Variants in UPP2 observed in about 807,000 individuals in gnomAD.
The protein encoded by UPP2 is uridine phosphorylase 2.
UPP2 carries 23 observed loss-of-function variants against 26.7 expected under a neutral mutation model. The observed-to-expected ratio is 0.86, with a 90% confidence interval of 0.62 to 1.22. The LOEUF is 1.22. Ranked by LOEUF, UPP2 falls within the 50% of genes most tolerant of loss-of-function variation. UPP2 has a pLI of 0.00. For missense variants in UPP2, 387 were observed against 396.7 expected (o/e 0.98, Z 0.21); for synonymous variants, 127 against 141.3 (o/e 0.90, Z 0.72).
At chr2:158,012,064 C>T (rs1250475100) in intron 2 of UPP2, among the ~76,000 whole-genome samples, 1 of 152,122 alleles carries the variant, frequency 6.6e-6, no homozygotes, top group Non-Finnish European at 1.5e-5. Flanking sequence ...GGTATCTTCT[C>T]CTCTGCGGTC....
intron 3 of UPP2, among the ~76,000 whole-genome samples, chr2:158,084,371 T>G (rs1682779775): frequency 6.6e-6 from 1 of 152,106 alleles, no homozygotes. Flanking sequence ...CTTGCTGATT[T>G]GAGTTCTTTA....
At chr2:158,124,946 T>C (rs1683660817) in intron 6 of UPP2, among the ~76,000 whole-genome samples, 1 of 152,216 alleles carries the variant, frequency 6.6e-6, no homozygotes, top group Non-Finnish European at 1.5e-5. Flanking sequence ...CATAAAATTC[T>C]AAGTTGAAAG....
At chr2:158,001,957 C>CAAAAAA (rs200818827) in intron 2 of UPP2, among the ~76,000 whole-genome samples, 133 of 65,422 alleles carry the variant, frequency 2.0e-3, no homozygotes, top group Admixed American at 3.5e-3. Context: ...GAATGAGCAC[C>CAAAAAA]AAAAAAAAAA....
At chr2:158,037,708 G>A (rs533665005) in intron 3 of UPP2, among the ~76,000 whole-genome samples, 1 of 152,050 alleles carries the variant, frequency 6.6e-6, no homozygotes, top group East Asian at 1.9e-4. Context: ...CTTTTATAAG[G>A]ACACCAGTCA....
At chr2:158,014,296 A>T (rs925149483) in intron 2 of UPP2, among the ~76,000 whole-genome samples, 8 of 152,154 alleles carry the variant, frequency 5.3e-5, no homozygotes, top group Non-Finnish European at 1.2e-4. Context: ...TAAGCAGGGG[A>T]GCTCATCAGC....
At chr2:158,055,914 T>A in intron 3 of UPP2, among the ~76,000 whole-genome samples, 1 of 152,174 alleles carries the variant, frequency 6.6e-6, no homozygotes, top group East Asian at 1.9e-4. Flanking sequence ...GCAAGGTCAC[T>A]TTTTACCCTA....
At chr2:158,074,914 T>A (rs1315247927) in intron 3 of UPP2, among the ~76,000 whole-genome samples, 7 of 144,908 alleles carry the variant, frequency 4.8e-5, no homozygotes, top group Admixed American at 4.2e-4. Flanking sequence ...AGACTGCAAA[T>A]AAAGGGCTGG....
chr2:158,041,077 G>A (rs924182391), intron 3 of UPP2, among the ~76,000 whole-genome samples: 7 of 152,162 alleles, frequency 4.6e-5, no homozygotes, highest in African/African-American at 1.4e-4. Context: ...GCTGTGAGCA[G>A]TAAATGAAAT....
intron 3 of UPP2, among the ~76,000 whole-genome samples, chr2:158,066,522 C>T (rs971291578): frequency 8.5e-5 from 13 of 152,128 alleles, no homozygotes; most frequent in African/African-American, 3.1e-4. Flanking sequence ...TTCCTTCAAT[C>T]ATTTCAAACA....
intron 3 of UPP2, among the ~76,000 whole-genome samples, chr2:158,024,208 C>CAT (rs375434232): frequency 6.6e-6 from 1 of 152,184 alleles, no homozygotes; most frequent in African/African-American, 2.4e-5. Context: ...GGACTTAGAG[C>CAT]ATATAAGGTT....
chr2:158,126,351 C>G (rs1205664573), intron 6 of UPP2: 6 of 152,220 alleles, frequency 3.9e-5, no homozygotes, highest in South Asian at 4.1e-4. Flanking sequence ...ACTGCTGCAG[C>G]CTTTCATGGA....
intron 5 of UPP2, among the ~76,000 whole-genome samples, chr2:158,122,397 A>G (rs1013978421): frequency 6.6e-6 from 1 of 152,076 alleles, no homozygotes; most frequent in Non-Finnish European, 1.5e-5. Context: ...GAGATAGGTC[A>G]TATTATCTAT....
intron 2 of UPP2, among the ~76,000 whole-genome samples, chr2:158,002,585 T>C (rs1683426187): frequency 6.6e-6 from 1 of 152,234 alleles, no homozygotes; most frequent in Non-Finnish European, 1.5e-5. Flanking sequence ...TCAGACCGTA[T>C]TGAAGGGAAG....
chr2:158,079,854 A>C (rs1682693219), intron 3 of UPP2, among the ~76,000 whole-genome samples: 1 of 152,154 alleles, frequency 6.6e-6, no homozygotes, highest in Non-Finnish European at 1.5e-5. Flanking sequence ...ACAAATGTAA[A>C]GCTAACTGTA....
chr2:158,058,161 C>T (rs996249346), intron 3 of UPP2, among the ~76,000 whole-genome samples: 1 of 151,914 alleles, frequency 6.6e-6, no homozygotes, highest in Non-Finnish European at 1.5e-5. Context: ...GGTATTGTGG[C>T]GTGCGCCTGT....
At chr2:158,042,961 C>T (rs1684101663) in intron 3 of UPP2, among the ~76,000 whole-genome samples, 1 of 152,206 alleles carries the variant, frequency 6.6e-6, no homozygotes, top group Admixed American at 6.5e-5. Flanking sequence ...GCACCCTCCG[C>T]AAAGAGCAAA....
rs897397232 is a variant in UPP2 at position 158,108,789 on chromosome 2, T to C, written c.180+2573T>C. 2.6e-5 allele frequency among the ~76,000 whole-genome samples: 4 copies of C among 152,250 alleles called. No homozygotes were observed. In the East Asian group the frequency reaches 5.8e-4, roughly 22 times the overall value. On this transcript the variant is annotated intron_variant, in intron 2 of 6. Transcript: ENST00000005756. Reference sequence around the variant, plus strand: ...CTGGTTGTGAACCTTCAGTAAATTATCTTTTGGATAAAAAGACATGCTCTG... The same window carrying C: ...CTGGTTGTGAACCTTCAGTAAATTACCTTTTGGATAAAAAGACATGCTCTG...
intron 3 of UPP2, among the ~76,000 whole-genome samples, chr2:158,078,042 C>G (rs1014410018): frequency 1.3e-5 from 2 of 152,092 alleles, no homozygotes; most frequent in Admixed American, 1.3e-4. Context: ...TGCTCAACAT[C>G]ATTGATCATC....
At chr2:158,064,167 C>T (rs551737068) in intron 3 of UPP2, among the ~76,000 whole-genome samples, 1 of 152,308 alleles carries the variant, frequency 6.6e-6, no homozygotes, top group East Asian at 1.9e-4. Context: ...TGAAGAATTG[C>T]CACACTGTGT....
Sources: gnomAD v4.1 joint callset for allele counts (sites outside exome capture counted in the v4.1 genomes callset) on GRCh38, gnomAD v4.1.1 for gene constraint, MANE v1.5 for transcripts, NCBI Gene and HGNC (gene_info 2026-07-23, HGNC 2026-07-21) for gene names.